GRM8: variants seen among roughly 807,000 people sequenced by gnomAD.
GRM8 encodes the protein metabotropic glutamate receptor 8.
Under a neutral mutation model 87.2 loss-of-function variants are expected in GRM8, and 47 were observed. That is an observed-to-expected ratio of 0.54 (90% confidence interval 0.43 to 0.69). The LOEUF (loss-of-function observed/expected upper bound fraction) is 0.69. GRM8 is among the 30% of genes least tolerant of loss of function. The pLI is 0.00. For synonymous variants in GRM8, 396 were observed against 404.5 expected, an observed-to-expected ratio of 0.98 and a Z score of 0.25; for missense variants, 1,019 against 1,139.2, an observed-to-expected ratio of 0.89 and a Z score of 1.52.
chr7:126,929,536 C>A (rs1304808890), intron 3 of GRM8, among the ~76,000 whole-genome samples: 1 of 152,080 alleles, frequency 6.6e-6, no homozygotes, highest in Admixed American at 6.5e-5. Flanking sequence ...CGGGGTCAAG[C>A]GATTCTCCTG....
chr7:126,522,731 C>T lies in GRM8; in HGVS notation c.2430+10221G>A, dbSNP rs561682862. Among the ~76,000 whole-genome samples the T allele has an allele frequency of 2.7e-5, 4 of 150,774 alleles. No individual in the cohort carries two copies. The East Asian group carries it at 5.9e-4, about 22-fold the overall frequency. ...GTCTAGGAGGCTGTTTGCATCTGTT[C>T]CTTTCCCTCTTTTAGGCCTTTTTAA... On this transcript the variant is annotated intron_variant, in intron 9 of 10. Transcript: ENST00000339582.
rs1299817107 is a variant in GRM8, at chr7:127,142,550, AT to A, written c.511-35839del. 7.2e-5 allele frequency among the ~76,000 whole-genome samples: 11 copies of A among 152,252 alleles called. No individual in the cohort carries two copies. In the East Asian group the frequency reaches 1.9e-3, roughly 27 times the overall value. On this transcript the variant is annotated intron_variant, in intron 2 of 10. Coordinates refer to ENST00000339582, the MANE Select transcript of GRM8 (RefSeq NM_000845.3). ...TAAATGTACTCAAATTAATTCAGAA[AT>A]TTTTTTCTTTTTATGAATATTTGAG...
chr7:127,050,335 C>G (rs1342979822), intron 3 of GRM8, among the ~76,000 whole-genome samples: 1 of 152,140 alleles, frequency 6.6e-6, no homozygotes, highest in Non-Finnish European at 1.5e-5. Flanking sequence ...GTACCAAGAC[C>G]ATTCAGAAGA....
At chr7:127,074,513 G>C (rs757595630) in intron 3 of GRM8, among the ~76,000 whole-genome samples, 2 of 152,138 alleles carry the variant, frequency 1.3e-5, no homozygotes, top group Non-Finnish European at 2.9e-5. Context: ...TCTCAGCTTT[G>C]TATATCCAGC....
At chr7:126,699,729 TCAAA>T (rs1809731231) in intron 7 of GRM8, among the ~76,000 whole-genome samples, 1 of 152,150 alleles carries the variant, frequency 6.6e-6, no homozygotes, top group African/African-American at 2.4e-5. Context: ...TTGGTGTGTG[TCAAA>T]CAATCATTTC....
intron 1 of GRM8, among the ~76,000 whole-genome samples, chr7:127,245,490 TC>T (rs1441482939): frequency 6.6e-6 from 1 of 152,196 alleles, no homozygotes; most frequent in Non-Finnish European, 1.5e-5. Flanking sequence ...AAACAGCCCA[TC>T]TGTTCATCAC....
At chr7:127,233,964 G>T (rs575998444) in intron 2 of GRM8, among the ~76,000 whole-genome samples, 17 of 151,880 alleles carry the variant, frequency 1.1e-4, no homozygotes, top group Admixed American at 9.2e-4. Flanking sequence ...AGTGTTTGGG[G>T]ATAGGAAAAG....
intron 7 of GRM8, among the ~76,000 whole-genome samples, chr7:126,742,788 T>C (rs1815163951): frequency 6.6e-6 from 1 of 152,126 alleles, no homozygotes; most frequent in African/African-American, 2.4e-5. Flanking sequence ...TACCTAATTC[T>C]AGTCACTAGT....
chr7:127,072,811 T>C (rs1821849789), intron 3 of GRM8, among the ~76,000 whole-genome samples: 1 of 152,146 alleles, frequency 6.6e-6, no homozygotes, highest in African/African-American at 2.4e-5. Flanking sequence ...ACCCACATGA[T>C]ACATCTTAAA....
intron 7 of GRM8, among the ~76,000 whole-genome samples, chr7:126,677,923 T>C (rs1367790014): frequency 1.3e-5 from 2 of 152,106 alleles, no homozygotes; most frequent in Non-Finnish European, 2.9e-5. Flanking sequence ...ACAACTCTCA[T>C]CTCCTATAGC....
At chr7:126,978,710 T>C (rs1307954599) in intron 3 of GRM8, among the ~76,000 whole-genome samples, 1 of 152,152 alleles carries the variant, frequency 6.6e-6, no homozygotes, top group Non-Finnish European at 1.5e-5. Context: ...TCTTTGAAAG[T>C]CCCTCCAAAC....
At chr7:126,953,925 C>G (rs772256156) in intron 3 of GRM8, among the ~76,000 whole-genome samples, 2 of 152,016 alleles carry the variant, frequency 1.3e-5, no homozygotes, top group Non-Finnish European at 2.9e-5. Flanking sequence ...CAAATTGAAC[C>G]CCCTGGCCAA....
chr7:127,015,979 T>C (rs922124485), intron 3 of GRM8, among the ~76,000 whole-genome samples: 4 of 152,132 alleles, frequency 2.6e-5, no homozygotes, highest in African/African-American at 9.6e-5. Flanking sequence ...GGCATATTTT[T>C]AAAAATTCCT....
rs940658784 is a variant in GRM8 at position 127,134,712 on chromosome 7, T to A, written c.511-28000A>T. ...AGTGCTCACATATTTCCTGGTCTGTTAACTGATAGGCATTTTCTTATATAC... is the reference window on the plus strand; with the variant it reads ...AGTGCTCACATATTTCCTGGTCTGTAAACTGATAGGCATTTTCTTATATAC... On this transcript the variant is annotated intron_variant, in intron 2 of 10. Transcript: ENST00000339582. 2.0e-5 allele frequency among the ~76,000 whole-genome samples: 3 copies of A among 152,168 alleles called. No homozygotes were observed. The East Asian group carries it at 5.8e-4, about 29-fold the overall frequency.
intron 6 of GRM8, among the ~76,000 whole-genome samples, chr7:126,784,498 G>A (rs1820420858): frequency 6.6e-6 from 1 of 152,058 alleles, no homozygotes; most frequent in South Asian, 2.1e-4. Context: ...ATTTATTTTT[G>A]CTCCCCAAAT....
chr7:127,132,843 T>A (rs1313923233), intron 2 of GRM8, among the ~76,000 whole-genome samples: 1 of 152,192 alleles, frequency 6.6e-6, no homozygotes, highest in African/African-American at 2.4e-5. Context: ...AGATGTTCAC[T>A]GGCAAAAGCA....
At chr7:126,836,086 GA>G (rs949237281) in intron 6 of GRM8, among the ~76,000 whole-genome samples, 19 of 151,594 alleles carry the variant, frequency 1.3e-4, no homozygotes, top group African/African-American at 3.4e-4. Flanking sequence ...TTAACATAAG[GA>G]AAAAAAATCT....
At chr7:127,083,629 C>A (rs1227921883) in intron 3 of GRM8, among the ~76,000 whole-genome samples, 1 of 151,408 alleles carries the variant, frequency 6.6e-6, no homozygotes, top group African/African-American at 2.4e-5. Context: ...CCCCCATACT[C>A]CTTGCATCCT....
At chr7:127,220,732 C>G (rs1370560803) in intron 2 of GRM8, among the ~76,000 whole-genome samples, 4 of 152,138 alleles carry the variant, frequency 2.6e-5, no homozygotes, top group Non-Finnish European at 5.9e-5. Context: ...CAAGTACTCC[C>G]CCTATCTTGG....
Sources: gnomAD v4.1 joint callset for allele counts (sites outside exome capture counted in the v4.1 genomes callset) on GRCh38, gnomAD v4.1.1 for gene constraint, MANE v1.5 for transcripts, NCBI Gene and HGNC (gene_info 2026-07-23, HGNC 2026-07-21) for gene names.